IDH1: variants seen among roughly 807,000 people sequenced by gnomAD.
The protein encoded by IDH1 is isocitrate dehydrogenase (NADP(+)) 1, also known as isocitrate dehydrogenase [NADP] cytoplasmic.
A neutral mutation model predicts 46.1 loss-of-function variants in IDH1; 33 were observed. That is an observed-to-expected ratio of 0.72 (90% CI 0.54 to 0.96). The LOEUF (loss-of-function observed/expected upper bound fraction) is 0.96, where lower values mean the gene tolerates loss of function less well. IDH1 is among the 40% of genes least tolerant of loss of function. The pLI, the probability that IDH1 is intolerant of heterozygous loss-of-function variation, is 0.00. For synonymous variants in IDH1, 144 were observed against 172.8 expected (o/e 0.83, Z 1.31); for missense variants, 421 against 515.7 (o/e 0.82, Z 1.78).
chr2:208,246,930 G>A (rs1559361790), intron 4 of IDH1, among the ~76,000 whole-genome samples: 1 of 152,126 alleles, frequency 6.6e-6, no homozygotes, highest in Non-Finnish European at 1.5e-5. Context: ...GCGACAGAGC[G>A]AGACTCTGTC....
At chr2:208,239,559 A>C (rs1282432211) in intron 8 of IDH1, among the ~76,000 whole-genome samples, 1 of 152,168 alleles carries the variant, frequency 6.6e-6, no homozygotes, top group East Asian at 1.9e-4. Flanking sequence ...CTATCTTTGA[A>C]ACTTGTTAAA....
intron 6 of IDH1, among the ~76,000 whole-genome samples, 163 bp from the exon 7 acceptor site, chr2:208,242,308 C>A (rs1687934861): frequency 6.6e-6 from 1 of 152,158 alleles, no homozygotes. Context: ...CAAATCCTAG[C>A]CCAATCATTT....
At chr2:208,246,929 C>T (rs530490960) in intron 4 of IDH1, among the ~76,000 whole-genome samples, 3 of 152,032 alleles carry the variant, frequency 2.0e-5, no homozygotes, top group East Asian at 1.9e-4. Context: ...GGCGACAGAG[C>T]GAGACTCTGT....
intron 3 of IDH1, among the ~76,000 whole-genome samples, chr2:208,249,544 T>G (rs1289687722): frequency 1.3e-5 from 2 of 152,244 alleles, no homozygotes; most frequent in Non-Finnish European, 2.9e-5. Context: ...AGAAAATGAC[T>G]GCAAAGCTTT....
At chr2:208,244,501 A>G (rs1687981158) in intron 5 of IDH1, among the ~76,000 whole-genome samples, 1 of 152,260 alleles carries the variant, frequency 6.6e-6, no homozygotes, top group Non-Finnish European at 1.5e-5. Context: ...GAGCACTCCT[A>G]CTGTAGTTGG....
At chr2:208,237,719 G>A (rs981796355) in intron 9 of IDH1, among the ~76,000 whole-genome samples, 4 of 143,452 alleles carry the variant, frequency 2.8e-5, no homozygotes, top group Non-Finnish European at 6.0e-5. Context: ...AGGAGATGGA[G>A]ACCATCCTGG....
intron 1 of IDH1, among the ~76,000 whole-genome samples, chr2:208,254,631 G>A (rs1167357908): frequency 2.0e-5 from 3 of 152,122 alleles, no homozygotes; most frequent in Non-Finnish European, 4.4e-5. Flanking sequence ...TCCACCCCTC[G>A]ATTTTCCAAC....
rs140814000 is a variant in IDH1, at chr2:208,253,875, C to A, written c.-17+11G>T. The A allele has an allele frequency of 2.0e-5, 3 of 152,352 alleles. No individual in the cohort carries two copies. The highest frequency in any genetic ancestry group is 7.2e-5 in the African/African-American group (3 of 41,578). The allele number at this position is 152,352 out of a possible 1,614,324, so 9.4% of individuals were successfully genotyped here. A position where few individuals can be genotyped will look rare whatever the true frequency, so the allele number is the denominator to read the frequency against. ...AGTACAGAAGAAGGGGGAAAATTTG[C>A]TAATTCTCACCTTGACAGTGAATAG... On this transcript the variant is annotated intron_variant, in intron 2 of 9. Transcript: ENST00000345146.
rs1050717334 is a variant in IDH1, at chr2:208,236,395, A to G, written c.*684T>C. ...TTATTGCACTTGGATGAAATATGCT[A>G]TTTAGAGTAGTATAATATTCAGGCC... On this transcript the variant is annotated 3_prime_UTR_variant, in exon 10 of 10. Coordinates refer to ENST00000345146, the MANE Select transcript of IDH1 (RefSeq NM_005896.4). The G allele has an allele frequency of 4.3e-6, 1 of 230,402 alleles. No individual in the cohort carries two copies. The highest frequency in any genetic ancestry group is 2.2e-5 in the African/African-American group (1 of 45,300). 14.3% of individuals were successfully genotyped at this position (230,402 alleles called of 1,614,324 possible).
intron 3 of IDH1, among the ~76,000 whole-genome samples, chr2:208,249,654 CCTGCCT>C (rs1285435721): frequency 6.6e-6 from 1 of 152,202 alleles, no homozygotes; most frequent in Non-Finnish European, 1.5e-5. Context: ...GCTCTTAAAA[CCTGCCT>C]CTAGATTTCT....
intron 4 of IDH1, among the ~76,000 whole-genome samples, chr2:208,246,249 C>T (rs547697490): frequency 2.0e-4 from 31 of 152,298 alleles, no homozygotes; most frequent in Middle Eastern, 3.4e-3. Context: ...ATATACTAGA[C>T]ATCCATAAGT....
At chr2:208,243,985 T>C (rs1477435401) in intron 5 of IDH1, among the ~76,000 whole-genome samples, 1 of 152,266 alleles carries the variant, frequency 6.6e-6, no homozygotes, top group Non-Finnish European at 1.5e-5. Context: ...CCAAATCTCA[T>C]GTTGAAATGT....
rs763504710 is a variant in IDH1 at position 208,251,537 on chromosome 2, G to A, written c.15C>T (p.Ile5=). The A allele has an allele frequency of 3.7e-6, 6 of 1,612,726 alleles. No homozygotes were observed. The African/African-American group carries it at 8.1e-5, about 22-fold the overall frequency. The change falls in exon 3 of 10, where the codon ATC becomes ATT. Residue 5 remains isoleucine (I), a synonymous_variant. Transcript: ENST00000345146. MSKK[I]SGGSVVEMQG... ...GCATCTCTACCACAGAACCGCCACTGATTTTTTTGGACATTTTGACTTCAA... is the reference window on the plus strand; with the variant it reads ...GCATCTCTACCACAGAACCGCCACTAATTTTTTTGGACATTTTGACTTCAA...
At chr2:208,239,262 T>C (rs1687874165) in intron 8 of IDH1, 29 bp from the exon 9 acceptor site, 1 of 1,610,754 alleles carries the variant, frequency 6.2e-7, no homozygotes, top group Admixed American at 1.7e-5. Flanking sequence ...AACACAACAC[T>C]CCAATCATCC....
intron 8 of IDH1, 29 bp from the exon 9 acceptor site, chr2:208,239,262 T>G: frequency 6.2e-7 from 1 of 1,610,754 alleles, no homozygotes; most frequent in East Asian, 2.2e-5. Context: ...AACACAACAC[T>G]CCAATCATCC....
At chr2:208,247,696 G>T (rs951730081) in intron 4 of IDH1, 2 of 152,354 alleles carry the variant, frequency 1.3e-5, no homozygotes, top group Non-Finnish European at 2.9e-5. Flanking sequence ...TAGAGACAGG[G>T]TTCTGCTATG....
At chr2:208,248,697 C>T (rs1211239525) in intron 3 of IDH1, 37 bp from the exon 4 acceptor site, 3 of 1,577,268 alleles carry the variant, frequency 1.9e-6, no homozygotes, top group South Asian at 1.1e-5. Flanking sequence ...GTTTTTCAGA[C>T]AAATGGATAG....
rs2124843327 is a variant in IDH1 at position 208,236,595 on chromosome 2, T to C, written c.*484A>G. On this transcript the variant is annotated 3_prime_UTR_variant, in exon 10 of 10. Transcript: ENST00000345146. ...ACATTTGAGTTGCACTCCTACTTCG[T>C]TCCAGTCATGTGCAAGTTTAATGCA... The C allele has an allele frequency of 4.1e-6, 1 of 243,222 alleles. No homozygotes were observed. The highest frequency in any genetic ancestry group is 2.2e-5 in the African/African-American group (1 of 45,482). The allele number at this position is 243,222 out of a possible 1,614,324, so 15.1% of individuals were successfully genotyped here. A position where few individuals can be genotyped will look rare whatever the true frequency, so the allele number is the denominator to read the frequency against.
chr2:208,254,725 CCTT>C (rs1688183509), intron 1 of IDH1, among the ~76,000 whole-genome samples: 1 of 152,094 alleles, frequency 6.6e-6, no homozygotes, highest in Admixed American at 6.5e-5. Flanking sequence ...CAAAAGCAGA[CCTT>C]CTGCATATCC....
Sources: gnomAD v4.1 joint callset for allele counts (sites outside exome capture counted in the v4.1 genomes callset) on GRCh38, gnomAD v4.1.1 for gene constraint, MANE v1.5 for transcripts, NCBI Gene and HGNC (gene_info 2026-07-23, HGNC 2026-07-21) for gene names.